Variants in SLMAP observed in about 807,000 individuals in gnomAD.
The protein encoded by SLMAP is sarcolemmal membrane-associated protein.
A neutral mutation model predicts 128.8 loss-of-function variants in SLMAP; 44 were observed. The ratio of observed to expected loss-of-function variants is 0.34; its 90% CI spans 0.27 to 0.44. SLMAP has a LOEUF of 0.44. SLMAP is among the 20% of genes least tolerant of loss of function. SLMAP has a pLI of 1.00. For synonymous variants in SLMAP, 327 were observed against 348.8 expected (o/e 0.94, Z 0.70); for missense variants, 787 against 985.3 (o/e 0.80, Z 2.69).
intron 2 of SLMAP, among the ~76,000 whole-genome samples, chr3:57,778,637 C>T (rs1336353012): frequency 7.0e-6 from 1 of 142,472 alleles, no homozygotes; most frequent in African/African-American, 2.6e-5. Context: ...TGTGGTGGTG[C>T]AATCATAGCT....
At chr3:57,798,830 G>T (rs1272760263) in intron 2 of SLMAP, among the ~76,000 whole-genome samples, 2 of 152,076 alleles carry the variant, frequency 1.3e-5, no homozygotes. Context: ...TTATTTCACT[G>T]TCTATATGAG....
chr3:57,858,525 C>T (rs2094896648), intron 8 of SLMAP, among the ~76,000 whole-genome samples: 1 of 152,150 alleles, frequency 6.6e-6, no homozygotes, highest in African/African-American at 2.4e-5. Context: ...TTCTTTTTGT[C>T]AACAACACTT....
intron 6 of SLMAP, among the ~76,000 whole-genome samples, chr3:57,856,451 C>G (rs1343639366): frequency 2.0e-5 from 3 of 152,040 alleles, no homozygotes; most frequent in Admixed American, 1.3e-4. Flanking sequence ...ACTTTTTAAA[C>G]TTTTTTGTTA....
intron 5 of SLMAP, among the ~76,000 whole-genome samples, chr3:57,849,314 T>C (rs999660833): frequency 2.0e-5 from 3 of 152,204 alleles, no homozygotes; most frequent in Admixed American, 6.5e-5. Flanking sequence ...TGACTTACAG[T>C]GTTTAAACAC....
chr3:57,827,916 A>G (rs1312744860), intron 2 of SLMAP, among the ~76,000 whole-genome samples: 1 of 152,224 alleles, frequency 6.6e-6, no homozygotes. Flanking sequence ...GACTATAAGC[A>G]TACTCCCTTT....
At chr3:57,907,013 TTTG>T (rs1243326064) in intron 17 of SLMAP, among the ~76,000 whole-genome samples, 4 of 151,858 alleles carry the variant, frequency 2.6e-5, no homozygotes, top group East Asian at 3.9e-4. Flanking sequence ...TCAGCAGATT[TTTG>T]TTGTTGTTGC....
intron 10 of SLMAP, 35 bp from the exon 11 acceptor site, chr3:57,864,513 G>T (rs1383198120): frequency 6.8e-7 from 1 of 1,477,314 alleles, no homozygotes; most frequent in South Asian, 1.3e-5. Context: ...ACAGAGTTAG[G>T]TTTGTTAAAT....
At chr3:57,894,132 A>T (rs1270494909) in intron 15 of SLMAP, among the ~76,000 whole-genome samples, 1 of 151,440 alleles carries the variant, frequency 6.6e-6, no homozygotes, top group Non-Finnish European at 1.5e-5. Context: ...ATTTTAAAAC[A>T]ATATATATAT....
intron 23 of SLMAP, among the ~76,000 whole-genome samples, chr3:57,923,926 G>A (rs1235336488): frequency 6.6e-6 from 1 of 152,224 alleles, no homozygotes; most frequent in Non-Finnish European, 1.5e-5. Context: ...TTAGGTAGAA[G>A]CCTTTTAGAA....
intron 2 of SLMAP, among the ~76,000 whole-genome samples, chr3:57,812,678 T>C (rs2091196372): frequency 6.6e-6 from 1 of 152,196 alleles, no homozygotes; most frequent in South Asian, 2.1e-4. Context: ...TTAACAGTAT[T>C]AAGACTTCTA....
chr3:57,872,812 T>G (rs535517272), intron 14 of SLMAP, among the ~76,000 whole-genome samples: 1 of 152,340 alleles, frequency 6.6e-6, no homozygotes, highest in Non-Finnish European at 1.5e-5. Flanking sequence ...TGGTAAAGAT[T>G]TGTTGATAAT....
Position 57,757,605 on chromosome 3 carries a change from A to AACTCCTCTTTGTCCCTGGTAGGAGAGAC in SLMAP, c.-44_-17dup. 1 of 1,591,174 alleles carries AACTCCTCTTTGTCCCTGGTAGGAGAGAC rather than the reference A, an allele frequency of 6.3e-7. No individual in the cohort carries two copies. The highest frequency in any genetic ancestry group is 8.6e-7 in the Non-Finnish European group (1 of 1,161,964). On this transcript the variant is annotated 5_prime_UTR_variant, in exon 2 of 25. Coordinates refer to ENST00000671191, the MANE Select transcript of SLMAP (RefSeq NM_001377540.1). ...GTGAAGGGCAGTCCGGATCCGGAGG[A>AACTCCTCTTTGTCCCTGGTAGGAGAGAC]ACTCCTCTTTGTCCCTGGTAGGAGA...
At chr3:57,924,444 C>T (rs781135181) in intron 23 of SLMAP, among the ~76,000 whole-genome samples, 3 of 151,802 alleles carry the variant, frequency 2.0e-5, no homozygotes, top group Non-Finnish European at 4.4e-5. Context: ...TCTCAGCTCA[C>T]CGCAACATCC....
intron 6 of SLMAP, among the ~76,000 whole-genome samples, chr3:57,853,255 C>T (rs756812809): frequency 7.9e-5 from 12 of 152,130 alleles, no homozygotes; most frequent in Non-Finnish European, 1.6e-4. Flanking sequence ...AATATGGATT[C>T]TGAGGTGTAT....
intron 2 of SLMAP, among the ~76,000 whole-genome samples, chr3:57,796,809 A>G (rs1227002130): frequency 6.6e-6 from 1 of 152,214 alleles, no homozygotes; most frequent in Non-Finnish European, 1.5e-5. Flanking sequence ...AAAAATACTT[A>G]ATGCCTTGGG....
chr3:57,887,823 C>T (rs2095938962), intron 14 of SLMAP, among the ~76,000 whole-genome samples: 1 of 152,078 alleles, frequency 6.6e-6, no homozygotes, highest in South Asian at 2.1e-4. Flanking sequence ...ACAGGCAAAC[C>T]AGATATTACT....
chr3:57,882,438 G>C (rs2095770145), intron 14 of SLMAP, among the ~76,000 whole-genome samples: 1 of 152,216 alleles, frequency 6.6e-6, no homozygotes, highest in African/African-American at 2.4e-5. Flanking sequence ...TGTGTGTCTG[G>C]AGAAAGTGTG....
intron 2 of SLMAP, among the ~76,000 whole-genome samples, chr3:57,830,001 T>C (rs576724637): frequency 1.3e-5 from 2 of 152,358 alleles, no homozygotes; most frequent in East Asian, 1.9e-4. Flanking sequence ...CTCACTTTTT[T>C]CCTTTATAAA....
At chr3:57,881,997 A>G (rs893695849) in intron 14 of SLMAP, among the ~76,000 whole-genome samples, 4 of 152,044 alleles carry the variant, frequency 2.6e-5, no homozygotes, top group Admixed American at 2.6e-4. Context: ...ATGTAGCAAG[A>G]TGCCATATCT....
Sources: allele counts gnomAD v4.1 joint callset (sites outside exome capture counted in the v4.1 genomes callset), GRCh38; gene constraint gnomAD v4.1.1; transcripts MANE v1.5; gene names NCBI Gene and HGNC (gene_info 2026-07-23, HGNC 2026-07-21).